SPINT1: variants seen among roughly 807,000 people sequenced by gnomAD.
The protein encoded by SPINT1 is kunitz-type protease inhibitor 1.
SPINT1 carries 38 observed loss-of-function variants against 53.7 expected under a neutral mutation model. That is an observed-to-expected ratio of 0.71 (90% confidence interval 0.55 to 0.93). SPINT1 has a LOEUF of 0.93. Ranked by LOEUF, SPINT1 falls within the 40% of genes least tolerant of loss-of-function variation. The pLI is 0.00. For synonymous variants in SPINT1, 283 were observed against 280.6 expected (o/e 1.01, Z -0.08); for missense variants, 645 against 692.9 (o/e 0.93, Z 0.78).
intron 2 of SPINT1, among the ~76,000 whole-genome samples, chr15:40,850,596 T>C (rs1167759792): frequency 6.6e-6 from 1 of 152,238 alleles, no homozygotes; most frequent in Admixed American, 6.5e-5. Context: ...TTAACCTATA[T>C]GTTCCCTCTA....
At position 40,856,839 on chromosome 15, in the gene SPINT1, A is replaced by G. The variant is rs376446817; in HGVS notation, c.1406A>G (p.Tyr469Cys). The G allele has an allele frequency of 1.2e-5, 20 of 1,613,856 alleles. No individual in the cohort carries two copies. The African/African-American group carries it at 2.4e-4, about 19-fold the overall frequency. Reference protein sequence around the residue: ...CIVVVVAILGYCFFKNQRKDF... With the variant: ...CIVVVVAILGCCFFKNQRKDF... ...GTGGTGGTGGTAGCCATCTTGGGTT[A>G]CTGCTTCTTCAAGAACCAGAGAAAG... Residue 469 changes from tyrosine to cysteine, a missense_variant, in exon 11 of 11, where the codon TAC (tyrosine) becomes TGC (cysteine). Coordinates refer to ENST00000562057, the MANE Select transcript of SPINT1 (RefSeq NM_003710.4).
Position 40,853,479 on chromosome 15 carries a change from C to T in SPINT1, c.604-10C>T, listed in dbSNP as rs772299783. 7.4e-6 allele frequency: 12 copies of T among 1,614,106 alleles called. No individual in the cohort carries two copies. Among genetic ancestry groups the T allele is most frequent in the South Asian group, 3.3e-5 (3 of 91,082 alleles). On this transcript the variant is annotated splice_polypyrimidine_tract_variant and intron_variant, in intron 3 of 10. Coordinates refer to ENST00000562057, the MANE Select transcript of SPINT1 (RefSeq NM_003710.4). ...GGGTGCCCAAGCCTGATAGCCACTC[C>T]TGTGTGCAGAGGAAAGACCCAAACC...
In SPINT1 at chr15:40,853,603, G is replaced by C. The variant is rs774388624; in HGVS notation, c.718G>C (p.Val240Leu). 1 of 1,613,990 alleles carries C rather than the reference G, an allele frequency of 6.2e-7. No individual in the cohort carries two copies. The highest frequency in any genetic ancestry group is 1.1e-5 in the South Asian group (1 of 91,072). ...GGACACGGCCAACGTCACAGTCACTGTGCTGTCCACCAAGCAGACAGAAGG... is the reference window on the plus strand; with the variant it reads ...GGACACGGCCAACGTCACAGTCACTCTGCTGTCCACCAAGCAGACAGAAGG... ...PEDTANVTVT[V>L]LSTKQTEDYC... Residue 240 changes from valine to leucine, a missense_variant, in exon 4 of 11, where the codon GTG (valine) becomes CTG (leucine). Coordinates refer to ENST00000562057, the MANE Select transcript of SPINT1 (RefSeq NM_003710.4).
Position 40,854,764 on chromosome 15 carries a change from G to A in SPINT1, c.1117+75G>A, listed in dbSNP as rs112296929. ...ATCCTCACTATTTCCATCCAGCAGT[G>A]CCTGAGGGGCCTGCTGGGTGTACGG... On this transcript the variant is annotated intron_variant, in intron 8 of 10. Coordinates refer to ENST00000562057, the MANE Select transcript of SPINT1 (RefSeq NM_003710.4). 1.2e-4 allele frequency: 182 copies of A among 1,565,704 alleles called. No individual in the cohort carries two copies. The African/African-American group carries it at 2.1e-3, about 18-fold the overall frequency.
At position 40,844,181 on chromosome 15, in the gene SPINT1, G is replaced by A. The variant is rs1307821239; in HGVS notation, c.-71G>A. On this transcript the variant is annotated 5_prime_UTR_variant, in exon 1 of 11. Coordinates refer to ENST00000562057, the MANE Select transcript of SPINT1 (RefSeq NM_003710.4). The surrounding 1 kb of genome is among the most constrained non-coding windows in gnomAD (Gnocchi z 5.8). ...GGACCCGGCCCCACCCAACTCACCT[G>A]CGCAGGTAACCCGGGCCCCCGCGCG... 1 of 413,006 alleles carries A rather than the reference G, an allele frequency of 2.4e-6. No individual in the cohort carries two copies. The highest frequency in any genetic ancestry group is 8.7e-5 in the East Asian group (1 of 11,556). 25.6% of individuals were successfully genotyped at this position (413,006 alleles called of 1,614,324 possible).
intron 2 of SPINT1, among the ~76,000 whole-genome samples, chr15:40,845,792 C>T (rs973542374): frequency 6.6e-6 from 1 of 152,324 alleles, no homozygotes; most frequent in East Asian, 1.9e-4. Flanking sequence ...GCACCTTGGC[C>T]AAGCACTGGT....
rs756874290 is a variant in SPINT1, at chr15:40,853,733, G to A, written c.765G>A (p.Lys255=). 1 of 1,613,994 alleles carries A rather than the reference G, an allele frequency of 6.2e-7. No homozygotes were observed. Among genetic ancestry groups the A allele is most frequent in the African/African-American group, 1.3e-5 (1 of 74,926 alleles). The change falls in exon 5 of 11, where the codon AAG becomes AAA. Residue 255 remains lysine (K), a synonymous_variant. Coordinates refer to ENST00000562057, the MANE Select transcript of SPINT1 (RefSeq NM_003710.4). ...TAGACTACTGCCTCGCATCCAACAA[G>A]GTGGGTCGCTGCCGGGGCTCTTTCC... is the stretch of plus-strand genomic sequence containing the variant. The part of the protein sequence containing the change: ...QTEDYCLASN[K]VGRCRGSFPR...
intron 2 of SPINT1, among the ~76,000 whole-genome samples, chr15:40,852,443 G>A (rs763600873): frequency 2.6e-5 from 4 of 152,098 alleles, no homozygotes; most frequent in African/African-American, 9.7e-5. Flanking sequence ...TACAGGCAGC[G>A]ATCCTGCACT....
At chr15:40,855,737 C>T in intron 8 of SPINT1, 155 bp from the exon 9 acceptor site, 2 of 669,106 alleles carry the variant, frequency 3.0e-6, no homozygotes, top group Non-Finnish European at 4.9e-6. Flanking sequence ...CCTTTTCTGG[C>T]ACCACTGCAG....
At chr15:40,849,165 G>T (rs1891384584) in intron 2 of SPINT1, among the ~76,000 whole-genome samples, 1 of 151,664 alleles carries the variant, frequency 6.6e-6, no homozygotes, top group African/African-American at 2.4e-5. Flanking sequence ...AGAATGGTGT[G>T]AACCCAGGAG....
chr15:40,844,771 G>A lies in SPINT1; in HGVS notation c.217G>A (p.Ala73Thr). ...LDTNASVSNG[A>T]TFLESPTVRR... is the part of the protein sequence containing the mutation. ...CACCAACGCCTCGGTCAGCAACGGA[G>A]CTACCTTCCTGGAGTCCCCCACCGT... The change falls in exon 2 of 11, where the codon GCT (alanine) becomes ACT (threonine). Residue 73 changes from alanine to threonine, a missense_variant. Transcript: ENST00000562057. This position sits in a 1 kb window ranked among gnomAD's most constrained non-coding sequence, Gnocchi z 5.8. 3 of 1,612,502 alleles carry A rather than the reference G, an allele frequency of 1.9e-6. No homozygotes were observed. The highest frequency in any genetic ancestry group is 2.5e-6 in the Non-Finnish European group (3 of 1,179,228).
chr15:40,856,560 G>A (rs1891647785), intron 10 of SPINT1, among the ~76,000 whole-genome samples: 1 of 152,148 alleles, frequency 6.6e-6, no homozygotes, highest in Non-Finnish European at 1.5e-5. Flanking sequence ...TGCAAGGAGA[G>A]CGACTTGAGC....
chr15:40,855,747 G>T, intron 8 of SPINT1, 145 bp from the exon 9 acceptor site: 1 of 764,938 alleles, frequency 1.3e-6, no homozygotes, highest in Non-Finnish European at 2.0e-6. Context: ...CACCACTGCA[G>T]CTGGGCCAGG....
At chr15:40,850,754 G>T (rs1311141458) in intron 2 of SPINT1, among the ~76,000 whole-genome samples, 1 of 152,160 alleles carries the variant, frequency 6.6e-6, no homozygotes, top group Non-Finnish European at 1.5e-5. Context: ...GGCCACTCCT[G>T]TTGCATCTGC....
chr15:40,844,391 C>T lies in SPINT1; in HGVS notation c.-65-99C>T. The T allele has an allele frequency of 2.6e-6, 2 of 780,354 alleles. No homozygotes were observed. Among genetic ancestry groups the T allele is most frequent in the Non-Finnish European group, 4.4e-6 (2 of 458,892 alleles). 48.3% of individuals were successfully genotyped at this position (780,354 alleles called of 1,614,324 possible). ...CTCTTCGATCCTGGGGTGCTCCGGT[C>T]CCTCCTCCCCGCCACTTCCTCCCGG... On this transcript the variant is annotated intron_variant, in intron 1 of 10. Transcript: ENST00000562057. The surrounding 1 kb of genome is among the most constrained non-coding windows in gnomAD (Gnocchi z 5.8).
intron 8 of SPINT1, 125 bp downstream of exon 8, chr15:40,854,814 T>C: frequency 8.1e-7 from 1 of 1,239,872 alleles, no homozygotes; most frequent in Non-Finnish European, 1.2e-6. Flanking sequence ...AGAGCCAGGG[T>C]GGGCTCCCCG....
In SPINT1 at chr15:40,856,787, G is replaced by A. The variant is rs375785043; in HGVS notation, c.1354G>A (p.Val452Ile). Residue 452 changes from valine to isoleucine, a missense_variant, in exon 11 of 11, where the codon GTC becomes ATC. Val to Ile is a conservative substitution (Grantham distance 29). Transcript: ENST00000562057. ...TCCCCCAGGCTCTGTGGAGATGGCT[G>A]TCGCAGTGTTCCTGGTCATCTGCAT... ...IPSTGSVEMA[V>I]AVFLVICIVV... The A allele has an allele frequency of 6.2e-6, 10 of 1,614,090 alleles. No homozygotes were observed. The African/African-American group carries it at 1.3e-4, about 22-fold the overall frequency.
At chr15:40,851,143 G>A (rs1257838816) in intron 2 of SPINT1, among the ~76,000 whole-genome samples, 1 of 151,488 alleles carries the variant, frequency 6.6e-6, no homozygotes, top group Non-Finnish European at 1.5e-5. Context: ...CATGTGTTCT[G>A]CCATTTTCTT....
chr15:40,850,379 T>A (rs966961581), intron 2 of SPINT1, among the ~76,000 whole-genome samples: 1 of 152,204 alleles, frequency 6.6e-6, no homozygotes, highest in East Asian at 1.9e-4. Flanking sequence ...CTGTTGTTTT[T>A]TCATCCATTC....
Sources: gnomAD v4.1 joint callset for allele counts (sites outside exome capture counted in the v4.1 genomes callset) on GRCh38, gnomAD v4.1.1 for gene constraint, Gnocchi (gnomAD v3.1) non-coding constraint, MANE v1.5 for transcripts, NCBI Gene and HGNC (gene_info 2026-07-23, HGNC 2026-07-21) for gene names.